The following RGS12 variants were observed in gnomAD, a reference collection of about 807,000 sequenced individuals.
RGS12 encodes the protein regulator of G protein signaling 12.
In RGS12, 66 loss-of-function variants were observed where a neutral mutation model predicts 120.1. That is an observed-to-expected ratio of 0.55 (90% CI 0.45 to 0.67). The LOEUF (loss-of-function observed/expected upper bound fraction) is 0.67. Among genes scored for constraint, RGS12 ranks in the 30% least tolerant of loss-of-function variants. The pLI, the probability that RGS12 is intolerant of heterozygous loss-of-function variation, is 0.00. For synonymous variants in RGS12, 827 were observed against 804.7 expected, an observed-to-expected ratio of 1.03 and a Z score of -0.47; for missense variants, 1,859 against 1,957.7, an observed-to-expected ratio of 0.95 and a Z score of 0.95.
intron 2 of RGS12, among the ~76,000 whole-genome samples, chr4:3,334,264 G>A (rs1578752205): frequency 6.6e-6 from 1 of 152,112 alleles, no homozygotes; most frequent in Non-Finnish European, 1.5e-5. Context: ...TTAAATTTTA[G>A]CTGTTTTCTT....
chr4:3,430,709 C>T lies in RGS12; in HGVS notation c.3868C>T (p.Pro1290Ser), dbSNP rs535694501. Residue 1290 changes from proline (P) to serine (S), a missense_variant, in exon 17 of 18, where the codon CCC becomes TCC. Physicochemically the swap from Pro to Ser is moderately conservative, Grantham distance 74 (BLOSUM62 -1). Transcript: ENST00000336727. ...CCCTGGACCTCCTGGGACGACCCCC[C>T]CCGGGCAGAAGTCTCCCAGCGGGCC... ...SPPGPPGTTP[P>S]GQKSPSGPFC... 1.6e-5 allele frequency: 26 copies of T among 1,581,070 alleles called. No homozygotes were observed. Among genetic ancestry groups the T allele is most frequent in the African/African-American group, 1.1e-4 (8 of 74,340 alleles).
At chr4:3,319,758 G>A (rs1725056306) in intron 2 of RGS12, among the ~76,000 whole-genome samples, 2 of 152,350 alleles carry the variant, frequency 1.3e-5, no homozygotes, top group Admixed American at 6.5e-5. Context: ...AGCCTCCTTA[G>A]AGGAGTCGTT....
At chr4:3,326,288 C>A (rs1010950803) in intron 2 of RGS12, among the ~76,000 whole-genome samples, 1 of 152,182 alleles carries the variant, frequency 6.6e-6, no homozygotes, top group Non-Finnish European at 1.5e-5. Context: ...GCTCTGTCAC[C>A]CAGGCTGGAG....
intron 13 of RGS12, among the ~76,000 whole-genome samples, chr4:3,424,244 T>G (rs929020076): frequency 6.6e-6 from 1 of 152,276 alleles, no homozygotes; most frequent in African/African-American, 2.4e-5. Flanking sequence ...CCGGGCACAG[T>G]GTCTGCCTAG....
At chr4:3,379,710 G>GA (rs984159132) in intron 3 of RGS12, among the ~76,000 whole-genome samples, 3 of 152,054 alleles carry the variant, frequency 2.0e-5, no homozygotes, top group African/African-American at 7.2e-5. Context: ...GCAAAAGGGG[G>GA]AAAGCCCCTT....
chr4:3,392,665 A>G (rs932577040), intron 4 of RGS12, among the ~76,000 whole-genome samples: 5 of 151,654 alleles, frequency 3.3e-5, no homozygotes, highest in Admixed American at 3.3e-4. Context: ...ATTTCTTTCT[A>G]CTGATTCTCT....
chr4:3,316,070 GGCACT>G lies in RGS12; in HGVS notation c.-99_-95del, dbSNP rs1213349342. 3.7e-5 allele frequency: 45 copies of G among 1,219,396 alleles called. No individual in the cohort carries two copies. Among genetic ancestry groups the G allele is most frequent in the Non-Finnish European group, 4.9e-5 (43 of 878,362 alleles). 75.5% of individuals were successfully genotyped at this position (1,219,396 alleles called of 1,614,324 possible). A position where few individuals can be genotyped will look rare whatever the true frequency, so the allele number is the denominator to read the frequency against. On this transcript the variant is annotated splice_region_variant and 5_prime_UTR_variant, in exon 2 of 18. Transcript: ENST00000336727. ...TGAGCTGTTCGTTTTTCTTTCTTAG[GGCACT>G]GTTTGAAGAAGCAAACATGGTAGCA... is the stretch of plus-strand genomic sequence containing the variant.
At chr4:3,362,028 C>G (rs16844192) in intron 3 of RGS12, among the ~76,000 whole-genome samples, 4,606 of 152,308 alleles carry the variant, frequency 0.03, 215 homozygotes, top group African/African-American at 0.099. Context: ...CCTCGTCACC[C>G]TCACCCACAG....
chr4:3,393,913 C>T (rs1430894259), intron 4 of RGS12, among the ~76,000 whole-genome samples: 2 of 152,204 alleles, frequency 1.3e-5, no homozygotes, highest in Non-Finnish European at 2.9e-5. Flanking sequence ...GCAGGTTCTC[C>T]TCTCCCCAGG....
At position 3,365,642 on chromosome 4, in the gene RGS12, G is replaced by C. The variant is rs139386221; in HGVS notation, c.1999-20774G>C. Among the ~76,000 whole-genome samples, 3 of 152,248 alleles carry C rather than the reference G, an allele frequency of 2.0e-5. No homozygotes were observed. The highest frequency in any genetic ancestry group is 4.4e-5 in the Non-Finnish European group (3 of 68,026). On this transcript the variant is annotated intron_variant, in intron 3 of 17. Transcript: ENST00000336727. The surrounding 1 kb of genome is among the most constrained non-coding windows in gnomAD (Gnocchi z 4.0). Reference sequence around the variant, plus strand: ...CCACTCACCTCTGGGACGACGTGCCGCACGTCACATTGTGTAGGAATGAGA... The same window carrying C: ...CCACTCACCTCTGGGACGACGTGCCCCACGTCACATTGTGTAGGAATGAGA...
chr4:3,300,077 C>T (rs1488650082), intron 1 of RGS12, among the ~76,000 whole-genome samples: 1 of 152,200 alleles, frequency 6.6e-6, no homozygotes, highest in African/African-American at 2.4e-5. Context: ...GTGTGGAAAA[C>T]GGTTAGGAGC....
chr4:3,335,191 C>A (rs1374324841), intron 2 of RGS12, among the ~76,000 whole-genome samples: 1 of 152,132 alleles, frequency 6.6e-6, no homozygotes, highest in Non-Finnish European at 1.5e-5. Flanking sequence ...GAATAGGACA[C>A]CCAGTCTTTG....
chr4:3,401,865 G>A (rs988990637), intron 4 of RGS12, among the ~76,000 whole-genome samples: 1 of 152,280 alleles, frequency 6.6e-6, no homozygotes, highest in African/African-American at 2.4e-5. Flanking sequence ...GAATGGCTGG[G>A]TTCCCCATGG....
chr4:3,328,868 A>G (rs1711529239), intron 2 of RGS12, among the ~76,000 whole-genome samples: 1 of 152,188 alleles, frequency 6.6e-6, no homozygotes, highest in Non-Finnish European at 1.5e-5. Flanking sequence ...TAAAGGAAGC[A>G]AAGTCATGGG....
intron 3 of RGS12, among the ~76,000 whole-genome samples, chr4:3,354,505 A>G (rs913388225): frequency 1.3e-5 from 2 of 152,244 alleles, no homozygotes; most frequent in African/African-American, 2.4e-5. Flanking sequence ...GAACCTGGGC[A>G]TTACATGTGC....
At chr4:3,298,516 A>G (rs1406268697) in intron 1 of RGS12, among the ~76,000 whole-genome samples, 1 of 152,020 alleles carries the variant, frequency 6.6e-6, no homozygotes, top group Non-Finnish European at 1.5e-5. Context: ...ACAACTGGCA[A>G]TTTTTACTTT....
intron 1 of RGS12, among the ~76,000 whole-genome samples, chr4:3,311,888 T>C (rs1162731770): frequency 6.6e-6 from 1 of 152,232 alleles, no homozygotes; most frequent in Non-Finnish European, 1.5e-5. Flanking sequence ...GTGGCAGTGC[T>C]GTGCGGCGAG....
At chr4:3,380,924 A>G (rs1035527790) in intron 3 of RGS12, among the ~76,000 whole-genome samples, 4 of 152,220 alleles carry the variant, frequency 2.6e-5, no homozygotes, top group African/African-American at 9.6e-5. Context: ...ATGCAAATTT[A>G]TGCAGCAGGC....
rs1181086284 is a variant in RGS12, at chr4:3,365,540, C to G, written c.1999-20876C>G. Among the ~76,000 whole-genome samples, 1 of 152,152 alleles carries G rather than the reference C, an allele frequency of 6.6e-6. No homozygotes were observed. Among genetic ancestry groups the G allele is most frequent in the Non-Finnish European group, 1.5e-5 (1 of 68,036 alleles). On this transcript the variant is annotated intron_variant, in intron 3 of 17. Coordinates refer to ENST00000336727, the MANE Select transcript of RGS12 (RefSeq NM_001394154.1). This position sits in a 1 kb window ranked among gnomAD's most constrained non-coding sequence, Gnocchi z 4.0. ...AGCAAAAACCGACGGAGCCCTGAGT[C>G]CGACCTAAGCCTTAGTGTGAGTCGG...
Sources: gnomAD v4.1 joint callset for allele counts (sites outside exome capture counted in the v4.1 genomes callset) on GRCh38, gnomAD v4.1.1 for gene constraint, Gnocchi (gnomAD v3.1) non-coding constraint, MANE v1.5 for transcripts, NCBI Gene and HGNC (gene_info 2026-07-23, HGNC 2026-07-21) for gene names.